COL4A5: variants seen among roughly 807,000 people sequenced by gnomAD.
COL4A5 encodes the protein collagen type IV alpha 5 chain, also known as collagen alpha-5(IV) chain.
Under a neutral mutation model 130.2 loss-of-function variants are expected in COL4A5, and 26 were observed. That is an observed-to-expected ratio of 0.20 (90% CI 0.15 to 0.28). The LOEUF (loss-of-function observed/expected upper bound fraction) is 0.28. COL4A5 is among the 10% of genes least tolerant of loss of function. The pLI is 1.00. For missense variants in COL4A5, 1,131 were observed against 1,344.3 expected, an observed-to-expected ratio of 0.84 and a Z score of 2.48; for synonymous variants, 496 against 439.6, an observed-to-expected ratio of 1.13 and a Z score of -1.60.
intron 2 of COL4A5, among the ~76,000 whole-genome samples, chrX:108,549,046 T>C (rs763085871): frequency 1.4e-4 from 16 of 111,590 alleles, no homozygotes; most frequent in Non-Finnish European, 1.9e-4. Flanking sequence ...TGGAAAGTAA[T>C]AGAAATGGTG....
At chrX:108,601,584 T>G in intron 26 of COL4A5, 99 bp downstream of exon 26, 1 of 598,739 alleles carries the variant, frequency 1.7e-6, no homozygotes. Context: ...TGGAGTACAG[T>G]GGCGTGATGT....
At chrX:108,531,491 C>A (rs1172726749) in intron 1 of COL4A5, among the ~76,000 whole-genome samples, 1 of 109,544 alleles carries the variant, frequency 9.1e-6, no homozygotes, top group Non-Finnish European at 1.9e-5. Flanking sequence ...TAAATGCCTA[C>A]ATTAAAAACG....
chrX:108,661,474 T>A (rs1182337903), intron 37 of COL4A5, among the ~76,000 whole-genome samples: 1 of 112,128 alleles, frequency 8.9e-6, no homozygotes, highest in Non-Finnish European at 1.9e-5. Context: ...TATTTTTTAC[T>A]CATTATATAC....
chrX:108,639,122 G>A (rs1237176720), intron 36 of COL4A5, among the ~76,000 whole-genome samples: 4 of 111,049 alleles, frequency 3.6e-5, no homozygotes, highest in Non-Finnish European at 7.6e-5. Flanking sequence ...CAGGTTGGAG[G>A]ACTCATAATA....
At chrX:108,617,980 T>G (rs1190555591) in intron 30 of COL4A5, among the ~76,000 whole-genome samples, 1 of 111,916 alleles carries the variant, frequency 8.9e-6, no homozygotes, top group Non-Finnish European at 1.9e-5. Context: ...TACAAAACCC[T>G]TGGGTAGGGG....
chrX:108,597,823 A>T, intron 24 of COL4A5, among the ~76,000 whole-genome samples: 1 of 111,505 alleles, frequency 9.0e-6, no homozygotes, highest in Non-Finnish European at 1.9e-5. Flanking sequence ...ATAGGTGGGC[A>T]GGAGGTTAAG....
At chrX:108,487,893 C>T (rs900492054) in intron 1 of COL4A5, among the ~76,000 whole-genome samples, 3 of 112,198 alleles carry the variant, frequency 2.7e-5, no homozygotes, top group African/African-American at 9.7e-5. Flanking sequence ...TGGTACCTTT[C>T]GTTCTTACCC....
intron 43 of COL4A5, among the ~76,000 whole-genome samples, chrX:108,675,072 G>A (rs1161150610): frequency 9.0e-6 from 1 of 111,253 alleles, no homozygotes; most frequent in East Asian, 2.8e-4. Context: ...TGACCTATTT[G>A]TAATCTCTGA....
intron 1 of COL4A5, among the ~76,000 whole-genome samples, chrX:108,473,633 A>ATATATATATATATATATATATATATT: frequency 5.8e-5 from 2 of 34,562 alleles, no homozygotes; most frequent in African/African-American, 1.1e-4. Context: ...ATATATATAT[A>ATATATATATATATATATATATATATT]TTTTTTTTTT....
chrX:108,473,411 A>G (rs977881818), intron 1 of COL4A5, among the ~76,000 whole-genome samples: 2 of 106,985 alleles, frequency 1.9e-5, no homozygotes, highest in Non-Finnish European at 3.9e-5. Flanking sequence ...ATTGCCCCCA[A>G]AGACCTTCCA....
chrX:108,523,484 A>G (rs922657774), intron 1 of COL4A5, among the ~76,000 whole-genome samples: 3 of 112,031 alleles, frequency 2.7e-5, no homozygotes, highest in African/African-American at 9.7e-5. Context: ...CACTGGTTTG[A>G]TTATTGTAGG....
At chrX:108,590,356 C>T (rs1422323002) in intron 19 of COL4A5, among the ~76,000 whole-genome samples, 1 of 110,723 alleles carries the variant, frequency 9.0e-6, no homozygotes, top group East Asian at 2.8e-4. Flanking sequence ...TAGAATAACC[C>T]CAACAATACA....
At chrX:108,581,870 C>A (rs757424787) in intron 16 of COL4A5, among the ~76,000 whole-genome samples, 1 of 109,705 alleles carries the variant, frequency 9.1e-6, no homozygotes, top group South Asian at 3.9e-4. Flanking sequence ...TATTCCCATA[C>A]AGTTTTTTTG....
At chrX:108,642,508 G>T (rs2067489946) in intron 36 of COL4A5, among the ~76,000 whole-genome samples, 1 of 110,842 alleles carries the variant, frequency 9.0e-6, no homozygotes, top group South Asian at 3.9e-4. Context: ...ACCTCCACTG[G>T]AAGAGGTGCT....
At chrX:108,530,292 C>T (rs1351596657) in intron 1 of COL4A5, among the ~76,000 whole-genome samples, 1 of 111,185 alleles carries the variant, frequency 9.0e-6, no homozygotes, top group East Asian at 2.8e-4. Context: ...ATAACATGCT[C>T]CTGAGTGGCC....
At chrX:108,612,090 A>C (rs1212346635) in intron 29 of COL4A5, among the ~76,000 whole-genome samples, 1 of 111,742 alleles carries the variant, frequency 8.9e-6, no homozygotes, top group Non-Finnish European at 1.9e-5. Flanking sequence ...GATAAGTTTC[A>C]ATATTCATTC....
chrX:108,511,149 A>C (rs1313316764), intron 1 of COL4A5, among the ~76,000 whole-genome samples: 4 of 111,545 alleles, frequency 3.6e-5, no homozygotes, highest in African/African-American at 1.3e-4. Flanking sequence ...CTTTCTTTCT[A>C]CTTAATATTT....
intron 1 of COL4A5, among the ~76,000 whole-genome samples, chrX:108,473,633 A>ATATT: frequency 1.2e-4 from 4 of 34,556 alleles, no homozygotes; most frequent in African/African-American, 4.3e-4. Context: ...ATATATATAT[A>ATATT]TTTTTTTTTT....
intron 2 of COL4A5, among the ~76,000 whole-genome samples, chrX:108,542,257 C>T (rs2065554906): frequency 9.2e-6 from 1 of 108,467 alleles, no homozygotes; most frequent in African/African-American, 3.4e-5. Context: ...ATCCTTCCCC[C>T]CACCCCCACC....
Sources: allele counts gnomAD v4.1 joint callset (sites outside exome capture counted in the v4.1 genomes callset), GRCh38; gene constraint gnomAD v4.1.1; transcripts MANE v1.5; gene names NCBI Gene and HGNC (gene_info 2026-07-23, HGNC 2026-07-21).